PAPPA: variants seen among roughly 807,000 people sequenced by gnomAD.
The protein encoded by PAPPA is pappalysin-1.
Under a neutral mutation model 164.0 loss-of-function variants are expected in PAPPA, and 60 were observed. The observed-to-expected ratio is 0.37, with a 90% CI of 0.30 to 0.45. The LOEUF (loss-of-function observed/expected upper bound fraction) is 0.45, where lower values mean the gene tolerates loss of function less well. Among genes scored for constraint, PAPPA ranks in the 20% least tolerant of loss-of-function variants. The probability of loss-of-function intolerance (pLI) is 1.00; values close to 1 mark genes in which losing one functional copy is unlikely to be tolerated. For missense variants in PAPPA, 1,782 were observed against 2,087.3 expected (o/e 0.85, Z 2.85); for synonymous variants, 875 against 814.1 (o/e 1.07, Z -1.27).
In PAPPA at chr9:116,347,154, C is replaced by T. The variant is rs1846221566; in HGVS notation, c.3909C>T (p.Gly1303=). The T allele has an allele frequency of 1.9e-6, 3 of 1,614,108 alleles. No homozygotes were observed. The highest frequency in any genetic ancestry group is 2.5e-6 in the Non-Finnish European group (3 of 1,179,972). Residue 1303 remains glycine (G), a synonymous_variant, in exon 15 of 22, where the codon GGC becomes GGT. Transcript: ENST00000328252. This position sits in a 1 kb window ranked among gnomAD's most constrained non-coding sequence, Gnocchi z 4.5. ...CTGCCTCCTTCTCCTGCCCTGAGGG[C>T]ACCACCTTTGGCAGTCAATGTTCCT... ...VYAASFSCPE[G]TTFGSQCSFQ... is the part of the protein sequence containing the mutation.
At chr9:116,227,906 T>C (rs899502048) in intron 6 of PAPPA, among the ~76,000 whole-genome samples, 1 of 152,196 alleles carries the variant, frequency 6.6e-6, no homozygotes, top group African/African-American at 2.4e-5. Flanking sequence ...TTAGAGTCAA[T>C]ACAAATATTT....
intron 7 of PAPPA, among the ~76,000 whole-genome samples, chr9:116,261,679 T>C (rs550855297): frequency 1.3e-5 from 2 of 152,322 alleles, no homozygotes; most frequent in South Asian, 4.1e-4. Context: ...TAGATAATGA[T>C]TTCACAACCT....
chr9:116,327,092 A>G lies in PAPPA; in HGVS notation c.3148-4152A>G, dbSNP rs568750656. Among the ~76,000 whole-genome samples the G allele has an allele frequency of 6.4e-4, 97 of 152,256 alleles. 1 individual carries two copies. The highest frequency in any genetic ancestry group is 2.3e-3 in the African/African-American group (95 of 41,528). On this transcript the variant is annotated intron_variant, in intron 10 of 21. Transcript: ENST00000328252. ...TTTGAGCTCCATGGAATCTCTCCTTATCTCCTTTTCCATTTCCCTAGGGAA... is the reference window on the plus strand; with the variant it reads ...TTTGAGCTCCATGGAATCTCTCCTTGTCTCCTTTTCCATTTCCCTAGGGAA...
At chr9:116,337,422 G>T (rs879509205) in intron 13 of PAPPA, among the ~76,000 whole-genome samples, 3 of 152,074 alleles carry the variant, frequency 2.0e-5, no homozygotes, top group Non-Finnish European at 2.9e-5. Flanking sequence ...AAACAAGGGA[G>T]GAAAGGAAAG....
chr9:116,246,565 C>A (rs1335618580), intron 7 of PAPPA, among the ~76,000 whole-genome samples: 1 of 152,160 alleles, frequency 6.6e-6, no homozygotes, highest in East Asian at 1.9e-4. Context: ...GCCACTTCAA[C>A]CTTGTGCCTC....
chr9:116,335,101 T>A, intron 13 of PAPPA, 27 bp downstream of exon 13: 1 of 1,579,840 alleles, frequency 6.3e-7, no homozygotes, highest in Non-Finnish European at 8.7e-7. Flanking sequence ...AGACTCGCCC[T>A]AGGCCACTTG....
intron 2 of PAPPA, among the ~76,000 whole-genome samples, chr9:116,196,994 G>A (rs1450555574): frequency 6.6e-6 from 1 of 152,186 alleles, no homozygotes; most frequent in Non-Finnish European, 1.5e-5. Context: ...AGATGCAAAG[G>A]AGGTTTCTTT....
chr9:116,163,886 G>A (rs1344974032), intron 1 of PAPPA, among the ~76,000 whole-genome samples: 1 of 152,076 alleles, frequency 6.6e-6, no homozygotes, highest in Non-Finnish European at 1.5e-5. Flanking sequence ...ATGTAACAGT[G>A]GTAGAATTTC....
chr9:116,298,672 C>A (rs896515592), intron 9 of PAPPA, among the ~76,000 whole-genome samples: 2 of 152,160 alleles, frequency 1.3e-5, no homozygotes, highest in Non-Finnish European at 2.9e-5. Context: ...AGATTTTGGT[C>A]ATTCGTTCAT....
chr9:116,156,346 A>ATG (rs1189573586), intron 1 of PAPPA, among the ~76,000 whole-genome samples: 1 of 82,502 alleles, frequency 1.2e-5, no homozygotes, highest in Non-Finnish European at 3.1e-5. Context: ...ATATATATAT[A>ATG]TGTATATATA....
intron 19 of PAPPA, among the ~76,000 whole-genome samples, chr9:116,368,510 C>A (rs1846531516): frequency 6.6e-6 from 1 of 151,878 alleles, no homozygotes; most frequent in East Asian, 1.9e-4. Flanking sequence ...ACTACAGAGG[C>A]CCCCTCCTCA....
chr9:116,244,103 G>A (rs571612820), intron 7 of PAPPA, among the ~76,000 whole-genome samples: 2 of 152,240 alleles, frequency 1.3e-5, no homozygotes, highest in African/African-American at 4.8e-5. Flanking sequence ...ATGAAATATG[G>A]GTTCTGGGAA....
At chr9:116,156,219 C>T (rs746495017) in intron 1 of PAPPA, among the ~76,000 whole-genome samples, 21 of 149,310 alleles carry the variant, frequency 1.4e-4, no homozygotes, top group Non-Finnish European at 2.1e-4. Context: ...ATGCAGGCAT[C>T]ATCAGTGAAA....
chr9:116,293,626 G>T (rs1473073759), intron 9 of PAPPA, among the ~76,000 whole-genome samples: 4 of 152,246 alleles, frequency 2.6e-5, no homozygotes, highest in African/African-American at 9.6e-5. Context: ...TTGAAAGCTA[G>T]TTGGGGAAGT....
At position 116,384,753 on chromosome 9, in the gene PAPPA, T is replaced by A. The variant is rs368445224; in HGVS notation, c.4776+2260T>A. Among the ~76,000 whole-genome samples, 22 of 152,294 alleles carry A rather than the reference T, an allele frequency of 1.4e-4. 1 individual carries two copies. The East Asian group carries it at 3.5e-3, about 24-fold the overall frequency. ...AAGGCTCCTGATACCTGTTTCCAAA[T>A]GAATATAGTGAACAATATTATCTAT... On this transcript the variant is annotated intron_variant, in intron 21 of 21. Transcript: ENST00000328252.
intron 7 of PAPPA, among the ~76,000 whole-genome samples, chr9:116,250,459 C>T (rs527674686): frequency 3.3e-5 from 5 of 152,298 alleles, no homozygotes; most frequent in Admixed American, 2.6e-4. Flanking sequence ...ATATGACTTG[C>T]GGCCATTTAT....
At chr9:116,285,588 T>G (rs1564210537) in intron 9 of PAPPA, among the ~76,000 whole-genome samples, 1 of 152,232 alleles carries the variant, frequency 6.6e-6, no homozygotes, top group East Asian at 1.9e-4. Context: ...AGGGAAACCT[T>G]CTTAAATCTG....
chr9:116,173,918 G>A (rs2118595729), intron 1 of PAPPA, among the ~76,000 whole-genome samples: 1 of 152,290 alleles, frequency 6.6e-6, no homozygotes, highest in African/African-American at 2.4e-5. Context: ...TTGTCCTGGT[G>A]TAGTCAGCTT....
intron 8 of PAPPA, among the ~76,000 whole-genome samples, chr9:116,267,000 T>C (rs920078134): frequency 2.0e-5 from 3 of 152,230 alleles, no homozygotes; most frequent in African/African-American, 7.2e-5. Context: ...AATAGCACTG[T>C]TGGGTGTCAC....
Sources: allele counts gnomAD v4.1 joint callset (sites outside exome capture counted in the v4.1 genomes callset), GRCh38; gene constraint gnomAD v4.1.1; non-coding constraint Gnocchi (gnomAD v3.1); transcripts MANE v1.5; gene names NCBI Gene and HGNC (gene_info 2026-07-23, HGNC 2026-07-21).